ORC4: variants seen among roughly 807,000 people sequenced by gnomAD.
The protein encoded by ORC4 is origin recognition complex subunit 4, also known as origin recognition complex, subunit 4 homolog.
ORC4 carries 55 observed loss-of-function variants against 63.9 expected under a neutral mutation model. That is an observed-to-expected ratio of 0.86 (90% CI 0.69 to 1.08). The LOEUF is 1.08. Among genes scored for constraint, ORC4 ranks in the 50% least tolerant of loss-of-function variants. The pLI, the probability that ORC4 is intolerant of heterozygous loss-of-function variation, is 0.00. For missense variants in ORC4, 511 were observed against 504.4 expected, an observed-to-expected ratio of 1.01 and a Z score of -0.13; for synonymous variants, 150 against 168.5, an observed-to-expected ratio of 0.89 and a Z score of 0.85.
chr2:147,934,178 T>G lies in ORC4; in HGVS notation c.*1332A>C, dbSNP rs1687922545. The G allele has an allele frequency of 6.6e-6, 1 of 152,204 alleles. No individual in the cohort carries two copies. Among genetic ancestry groups the G allele is most frequent in the East Asian group, 1.9e-4 (1 of 5,194 alleles). 9.4% of individuals were successfully genotyped at this position (152,204 alleles called of 1,614,324 possible). ...GTTAGTTTTCTCATCTGTAAATAACTGCCTACATCTCACAGGGCCTCTAAT... is the reference window on the plus strand; with the variant it reads ...GTTAGTTTTCTCATCTGTAAATAACGGCCTACATCTCACAGGGCCTCTAAT... On this transcript the variant is annotated 3_prime_UTR_variant, in exon 14 of 14. Transcript: ENST00000392857.
intron 1 of ORC4, among the ~76,000 whole-genome samples, chr2:147,983,012 G>T (rs563183657): frequency 6.6e-6 from 1 of 152,180 alleles, no homozygotes; most frequent in Non-Finnish European, 1.5e-5. Flanking sequence ...AAAATGCAAA[G>T]TAAAACCATA....
chr2:148,012,923 G>A (rs930376219), intron 1 of ORC4, among the ~76,000 whole-genome samples: 5 of 152,074 alleles, frequency 3.3e-5, no homozygotes, highest in Non-Finnish European at 1.5e-5. Flanking sequence ...GGCTTTTATC[G>A]AAAAGGCAGT....
Position 147,940,721 on chromosome 2 carries a change from G to A in ORC4, c.850-1473C>T, listed in dbSNP as rs1573747711. Among the ~76,000 whole-genome samples the A allele has an allele frequency of 4.6e-5, 7 of 152,182 alleles. No individual in the cohort carries two copies. In the South Asian group the frequency reaches 1.2e-3, roughly 27 times the overall value. Reference sequence around the variant, plus strand: ...ACAGCATTTGCAGTGACCTGGATGAGACTGGAGACTATTATTCTAAGTGAA... The same window carrying A: ...ACAGCATTTGCAGTGACCTGGATGAAACTGGAGACTATTATTCTAAGTGAA... On this transcript the variant is annotated intron_variant, in intron 10 of 13. Transcript: ENST00000392857.
chr2:147,963,053 G>A (rs1689695418), intron 4 of ORC4, among the ~76,000 whole-genome samples: 1 of 152,080 alleles, frequency 6.6e-6, no homozygotes, highest in African/African-American at 2.4e-5. Context: ...TCTTGAGCCT[G>A]CCAAGCAGTC....
At chr2:147,997,164 A>T (rs116943758) in intron 1 of ORC4, among the ~76,000 whole-genome samples, 519 of 152,312 alleles carry the variant, frequency 3.4e-3, no homozygotes, top group East Asian at 8.3e-3. Context: ...TACCTACTGT[A>T]TGTTTCCAAC....
intron 6 of ORC4, among the ~76,000 whole-genome samples, chr2:147,955,754 T>C (rs938232059): frequency 3.3e-5 from 5 of 152,016 alleles, no homozygotes; most frequent in African/African-American, 1.2e-4. Flanking sequence ...ATATTCTAAA[T>C]ATAGTTTGAG....
chr2:147,992,772 T>C (rs867088281), intron 1 of ORC4, among the ~76,000 whole-genome samples: 1 of 152,126 alleles, frequency 6.6e-6, no homozygotes, highest in African/African-American at 2.4e-5. Context: ...ATCTCCTAAC[T>C]TCCTGTCTCT....
chr2:147,944,058 GA>G (rs1351173956), intron 9 of ORC4, among the ~76,000 whole-genome samples: 2 of 152,078 alleles, frequency 1.3e-5, no homozygotes, highest in East Asian at 3.9e-4. Context: ...AGAAAAGGCA[GA>G]AAAACCTAAC....
At chr2:147,970,093 AAC>A (rs1215472384) in intron 4 of ORC4, among the ~76,000 whole-genome samples, 2 of 152,142 alleles carry the variant, frequency 1.3e-5, no homozygotes, top group African/African-American at 2.4e-5. Flanking sequence ...GGAAATAAAA[AAC>A]ACAGTACTAT....
intron 4 of ORC4, among the ~76,000 whole-genome samples, chr2:147,967,408 A>G (rs1336728260): frequency 6.6e-6 from 1 of 151,868 alleles, no homozygotes; most frequent in Non-Finnish European, 1.5e-5. Flanking sequence ...AAACCTAGAG[A>G]CTCTACCAAA....
intron 10 of ORC4, among the ~76,000 whole-genome samples, chr2:147,939,485 C>T (rs1042746790): frequency 1.3e-5 from 2 of 152,072 alleles, no homozygotes; most frequent in African/African-American, 4.8e-5. Context: ...ATCCCAGTTG[C>T]ATAACTTGTT....
At chr2:148,010,432 C>CA in intron 1 of ORC4, among the ~76,000 whole-genome samples, 1 of 151,360 alleles carries the variant, frequency 6.6e-6, no homozygotes, top group East Asian at 1.9e-4. Context: ...GAAAGACAGA[C>CA]AAAATCAATG....
intron 1 of ORC4, among the ~76,000 whole-genome samples, chr2:147,988,104 T>C (rs1239006074): frequency 6.6e-6 from 1 of 151,224 alleles, no homozygotes; most frequent in Admixed American, 6.6e-5. Flanking sequence ...TAAATATCTA[T>C]CCAAAAAATA....
At chr2:148,018,368 G>A (rs60809905) in intron 1 of ORC4, among the ~76,000 whole-genome samples, 20,682 of 152,174 alleles carry the variant, frequency 0.14, 1,708 homozygotes, top group Middle Eastern at 0.21. Flanking sequence ...GTATACATTG[G>A]TGTATCTACT....
chr2:147,932,873 C>G lies in ORC4; in HGVS notation c.*2637G>C, dbSNP rs1303671408. On this transcript the variant is annotated 3_prime_UTR_variant, in exon 14 of 14. Transcript: ENST00000392857. ...CATGGTGAAATATGCATGGAAACTACAGAAAGACTGAAGTGTTTCTTACGG... is the reference window on the plus strand; with the variant it reads ...CATGGTGAAATATGCATGGAAACTAGAGAAAGACTGAAGTGTTTCTTACGG... The G allele has an allele frequency of 1.3e-5, 2 of 152,072 alleles. No homozygotes were observed. The highest frequency in any genetic ancestry group is 2.9e-5 in the Non-Finnish European group (2 of 68,002). 9.4% of individuals were successfully genotyped at this position (152,072 alleles called of 1,614,324 possible). A position where few individuals can be genotyped will look rare whatever the true frequency, so the allele number is the denominator to read the frequency against.
At chr2:148,015,931 A>C (rs1305964351) in intron 1 of ORC4, among the ~76,000 whole-genome samples, 1 of 152,176 alleles carries the variant, frequency 6.6e-6, no homozygotes, top group African/African-American at 2.4e-5. Flanking sequence ...GTGGCAGGCC[A>C]CTGGAAGTTG....
In ORC4 at chr2:147,931,436, A is replaced by T. The variant is rs1382013000; in HGVS notation, c.*4074T>A. The T allele has an allele frequency of 6.6e-6, 1 of 152,068 alleles. No individual in the cohort carries two copies. The highest frequency in any genetic ancestry group is 1.9e-4 in the East Asian group (1 of 5,180). The allele number at this position is 152,068 out of a possible 1,614,324, so 9.4% of individuals were successfully genotyped here. ...AGATCCCTGAGGAATCGCCACACTGACTTCCACAATGGTTGAACTAGTTTA... is the reference window on the plus strand; with the variant it reads ...AGATCCCTGAGGAATCGCCACACTGTCTTCCACAATGGTTGAACTAGTTTA... On this transcript the variant is annotated 3_prime_UTR_variant, in exon 14 of 14. Coordinates refer to ENST00000392857, the MANE Select transcript of ORC4 (RefSeq NM_181741.4).
In ORC4 at chr2:147,933,564, T is replaced by A. The variant is rs1034259636; in HGVS notation, c.*1946A>T. ...ATTGATGGATCTTCTGCAGCTCTTA[T>A]GTAGCCAATGAGACAGATGAGGGCT... On this transcript the variant is annotated 3_prime_UTR_variant, in exon 14 of 14. Transcript: ENST00000392857. The A allele has an allele frequency of 7.2e-5, 11 of 152,156 alleles. No homozygotes were observed. The highest frequency in any genetic ancestry group is 2.4e-4 in the African/African-American group (10 of 41,444). 9.4% of individuals were successfully genotyped at this position (152,156 alleles called of 1,614,324 possible). A position where few individuals can be genotyped will look rare whatever the true frequency, so the allele number is the denominator to read the frequency against.
intron 4 of ORC4, among the ~76,000 whole-genome samples, chr2:147,972,158 G>T (rs1009299357): frequency 3.9e-5 from 6 of 152,022 alleles, no homozygotes; most frequent in Non-Finnish European, 7.4e-5. Flanking sequence ...AAATAAGTAA[G>T]AATATCTTTT....
Sources: allele counts gnomAD v4.1 joint callset (sites outside exome capture counted in the v4.1 genomes callset), GRCh38; gene constraint gnomAD v4.1.1; transcripts MANE v1.5; gene names NCBI Gene and HGNC (gene_info 2026-07-23, HGNC 2026-07-21).